The following DBT variants were observed in gnomAD, a reference collection of about 807,000 sequenced individuals.
DBT encodes dihydrolipoamide branched chain transacylase E2, also known as lipoamide acyltransferase component of branched-chain alpha-keto acid dehydrogenase complex, mitochondrial.
In DBT, 40 loss-of-function variants were observed where a neutral mutation model predicts 51.3. That is an observed-to-expected ratio of 0.78 (90% confidence interval 0.61 to 1.02). The LOEUF is 1.02. DBT is among the 50% of genes least tolerant of loss of function. DBT has a pLI of 0.00. For synonymous variants in DBT, 181 were observed against 190.4 expected, an observed-to-expected ratio of 0.95 and a Z score of 0.41; for missense variants, 510 against 580.2, an observed-to-expected ratio of 0.88 and a Z score of 1.24.
At chr1:100,210,872 T>C in intron 7 of DBT, 101 bp from the exon 8 acceptor site, 1 of 1,570,940 alleles carries the variant, frequency 6.4e-7, no homozygotes, top group Non-Finnish European at 8.7e-7. Flanking sequence ...GAGAGAACTC[T>C]TATTTATGCT....
chr1:100,230,821 A>T lies in DBT; in HGVS notation c.345T>A (p.Asp115Glu). Residue 115 changes from aspartate to glutamate, a missense_variant, in exon 4 of 11, where the codon GAT becomes GAA. Coordinates refer to ENST00000370132, the MANE Select transcript of DBT (RefSeq NM_001918.5). ...TATAATAGAGTTTTTTAATGACTCC[A>T]TCATAACGACTAGTGATGGTAACAG... ...KASVTITSRY[D>E]GVIKKLYYNL... 1 of 1,608,204 alleles carries T rather than the reference A, an allele frequency of 6.2e-7. No homozygotes were observed. The highest frequency in any genetic ancestry group is 8.5e-7 in the Non-Finnish European group (1 of 1,174,786).
At chr1:100,204,782 G>A (rs1299004562) in intron 10 of DBT, among the ~76,000 whole-genome samples, 5 of 152,004 alleles carry the variant, frequency 3.3e-5, no homozygotes, top group African/African-American at 1.2e-4. Flanking sequence ...ACCGCACAGG[G>A]GCCTCAGAAA....
In DBT at chr1:100,186,957, G is replaced by A; in HGVS notation, c.*9298C>T. On this transcript the variant is annotated 3_prime_UTR_variant, in exon 11 of 11. Transcript: ENST00000370132. ...AAACTGTTTATTCTATAGCCTACTG[G>A]GAATTGGCCAGAAGTTAGAAGGACA... 1 of 151,954 alleles carries A rather than the reference G, an allele frequency of 6.6e-6. No homozygotes were observed. Among genetic ancestry groups the A allele is most frequent in the Non-Finnish European group, 1.5e-5 (1 of 68,014 alleles). The allele number at this position is 151,954 out of a possible 1,614,324, so 9.4% of individuals were successfully genotyped here.
chr1:100,219,052 A>G (rs1447351872), intron 4 of DBT, among the ~76,000 whole-genome samples: 2 of 152,094 alleles, frequency 1.3e-5, no homozygotes, highest in Admixed American at 6.5e-5. Context: ...TTCCTCAAGA[A>G]ATTTTAAAAT....
At chr1:100,202,475 C>T (rs1178264191) in intron 10 of DBT, among the ~76,000 whole-genome samples, 1 of 152,030 alleles carries the variant, frequency 6.6e-6, no homozygotes, top group Non-Finnish European at 1.5e-5. Context: ...ACTTTAACAC[C>T]CCACTGTCAA....
chr1:100,216,040 T>A lies in DBT; in HGVS notation c.715A>T (p.Ile239Leu). 1.2e-6 allele frequency: 2 copies of A among 1,613,638 alleles called. No individual in the cohort carries two copies. The highest frequency in any genetic ancestry group is 1.7e-6 in the Non-Finnish European group (2 of 1,179,642). The stretch of plus-strand genomic sequence containing the variant: ...AATACCGGAGGTTTTGATACTAGTA[T>A]AGGAACAGTCATGTCTTTTGGCTTT... Reference protein sequence around the residue: ...PPKPKDMTVPILVSKPPVFTG... With the variant: ...PPKPKDMTVPLLVSKPPVFTG... The change falls in exon 6 of 11, where the codon ATA becomes TTA. Residue 239 changes from isoleucine (I) to leucine (L), a missense_variant. Transcript: ENST00000370132.
chr1:100,197,415 G>C (rs1661180327), intron 10 of DBT, among the ~76,000 whole-genome samples: 1 of 152,200 alleles, frequency 6.6e-6, no homozygotes, highest in South Asian at 2.1e-4. Flanking sequence ...ATGGTGGGGG[G>C]CAGTGAGGAA....
At chr1:100,230,602 C>T in intron 4 of DBT, 131 bp downstream of exon 4, 1 of 583,204 alleles carries the variant, frequency 1.7e-6, no homozygotes, top group Non-Finnish European at 2.9e-6. Flanking sequence ...ATTACATTTC[C>T]TCAAGAGCTA....
chr1:100,216,222 G>A (rs1466233008), intron 5 of DBT, 23 bp from the exon 6 acceptor site: 1 of 1,504,816 alleles, frequency 6.6e-7, no homozygotes, highest in East Asian at 2.3e-5. Flanking sequence ...ATATTTTAAT[G>A]CCAAAAATAC....
At chr1:100,218,935 G>T (rs778410726) in intron 4 of DBT, among the ~76,000 whole-genome samples, 188 bp from the exon 5 acceptor site, 4 of 9,320 alleles carry the variant, frequency 4.3e-4, no homozygotes, top group South Asian at 0.018. Context: ...GGTAGAGTGG[G>T]GGGGGGGGTG....
At chr1:100,201,977 C>T (rs1036999242) in intron 10 of DBT, among the ~76,000 whole-genome samples, 12 of 152,184 alleles carry the variant, frequency 7.9e-5, no homozygotes, top group African/African-American at 2.9e-4. Context: ...ACCATCGACA[C>T]TATGAAGAAA....
rs1367167108 is a variant in DBT at position 100,243,493 on chromosome 1, GT to G, written c.52-2610del. ...TCATGTCCAGCTAAACTTTTTTTGT[GT>G]GTATTTTAGTAGAGACGGGGTTTCA... On this transcript the variant is annotated intron_variant, in intron 1 of 10. Transcript: ENST00000370132. Among the ~76,000 whole-genome samples, 3 of 151,706 alleles carry G rather than the reference GT, an allele frequency of 2.0e-5. No homozygotes were observed. The East Asian group carries it at 5.9e-4, about 30-fold the overall frequency.
At chr1:100,199,293 C>T (rs750215337) in intron 10 of DBT, among the ~76,000 whole-genome samples, 18 of 152,108 alleles carry the variant, frequency 1.2e-4, no homozygotes, top group Admixed American at 6.6e-4. Context: ...AAGAAATCTG[C>T]GCTTTTAACT....
At position 100,198,752 on chromosome 1, in the gene DBT, T is replaced by G. The variant is rs535837067; in HGVS notation, c.1282-2330A>C. Among the ~76,000 whole-genome samples the G allele has an allele frequency of 4.6e-5, 7 of 152,250 alleles. No homozygotes were observed. In the South Asian group the frequency reaches 1.5e-3, roughly 32 times the overall value. On this transcript the variant is annotated intron_variant, in intron 10 of 10. Coordinates refer to ENST00000370132, the MANE Select transcript of DBT (RefSeq NM_001918.5). ...TGTTTTTTCTCCCTATCTCCTCTGC[T>G]TGCCAGAAGGGAAAGTGGATGCCAG...
chr1:100,212,775 C>T (rs1662231585), intron 7 of DBT, among the ~76,000 whole-genome samples: 1 of 152,114 alleles, frequency 6.6e-6, no homozygotes, highest in African/African-American at 2.4e-5. Flanking sequence ...AGAACGGGCA[C>T]TTCAGGTGGA....
At chr1:100,244,665 A>G (rs1664434807) in intron 1 of DBT, among the ~76,000 whole-genome samples, 1 of 152,190 alleles carries the variant, frequency 6.6e-6, no homozygotes, top group Admixed American at 6.5e-5. Context: ...TCCTATATAT[A>G]CATACCTATG....
intron 8 of DBT, among the ~76,000 whole-genome samples, chr1:100,209,248 A>T (rs1661987664): frequency 6.6e-6 from 1 of 151,412 alleles, no homozygotes; most frequent in African/African-American, 2.4e-5. Flanking sequence ...ATAGGCATGC[A>T]CCACCATGCC....
At chr1:100,239,851 C>CAAAAAAAAAAAAAAAAAAAAAA (rs56661922) in intron 2 of DBT, among the ~76,000 whole-genome samples, 3 of 111,164 alleles carry the variant, frequency 2.7e-5, no homozygotes, top group Non-Finnish European at 3.6e-5. Flanking sequence ...CAACAGAGCT[C>CAAAAAAAAAAAAAAAAAAAAAA]AAAAAAAAAA....
At chr1:100,244,144 C>T (rs147569983) in intron 1 of DBT, among the ~76,000 whole-genome samples, 27 of 149,082 alleles carry the variant, frequency 1.8e-4, no homozygotes, top group African/African-American at 6.7e-4. Flanking sequence ...CCTGGGAAGG[C>T]TTCTTGGAGG....
Sources: gnomAD v4.1 joint callset for allele counts (sites outside exome capture counted in the v4.1 genomes callset) on GRCh38, gnomAD v4.1.1 for gene constraint, MANE v1.5 for transcripts, NCBI Gene and HGNC (gene_info 2026-07-23, HGNC 2026-07-21) for gene names.